Variants in TTC21A observed in about 807,000 individuals in gnomAD.
TTC21A encodes the protein tetratricopeptide repeat domain 21A.
In TTC21A, 128 loss-of-function variants were observed where a neutral mutation model predicts 156.4. The observed-to-expected ratio is 0.82, with a 90% CI of 0.71 to 0.95. TTC21A has a LOEUF of 0.95. Ranked by LOEUF, TTC21A falls within the 40% of genes least tolerant of loss-of-function variation. TTC21A has a pLI of 0.00. For missense variants in TTC21A, 1,435 were observed against 1,602.3 expected (o/e 0.90, Z 1.78); for synonymous variants, 587 against 617.1 (o/e 0.95, Z 0.72).
At chr3:39,128,229 A>G in intron 12 of TTC21A, 102 bp from the exon 13 acceptor site, 2 of 1,332,676 alleles carry the variant, frequency 1.5e-6, no homozygotes, top group Non-Finnish European at 2.1e-6. Flanking sequence ...AATTTTGTAT[A>G]TTTCTGGGGA....
intron 20 of TTC21A, among the ~76,000 whole-genome samples, chr3:39,133,662 G>A (rs2038899312): frequency 6.6e-6 from 1 of 152,216 alleles, no homozygotes; most frequent in South Asian, 2.1e-4. Flanking sequence ...GGGAACCATA[G>A]TTGGAGTTCA....
chr3:39,123,897 A>G (rs993113750), intron 9 of TTC21A, among the ~76,000 whole-genome samples: 1 of 152,216 alleles, frequency 6.6e-6, no homozygotes. Flanking sequence ...CACAGTAGAA[A>G]GGAAAAGGCT....
intron 9 of TTC21A, among the ~76,000 whole-genome samples, chr3:39,122,045 A>G (rs2037812613): frequency 6.6e-6 from 1 of 152,254 alleles, no homozygotes; most frequent in Non-Finnish European, 1.5e-5. Flanking sequence ...GTGATGGCTC[A>G]CGCCTGTAAT....
chr3:39,135,911 C>T (rs111231532), intron 22 of TTC21A, among the ~76,000 whole-genome samples: 7,446 of 151,900 alleles, frequency 0.049, 242 homozygotes, highest in Non-Finnish European at 0.074. Flanking sequence ...AAAAATTGGC[C>T]GGGCGTGGTG....
intron 15 of TTC21A, 109 bp downstream of exon 15, chr3:39,129,419 A>C: frequency 1.2e-6 from 1 of 829,250 alleles, no homozygotes; most frequent in Non-Finnish European, 2.0e-6. Context: ...GTGTCCTTGG[A>C]GTGTAGTTGA....
rs916930391 is a variant in TTC21A at position 39,136,566 on chromosome 3, A to G, written c.3095+59A>G. Reference sequence around the variant, plus strand: ...TGTGCAGGAAGCCCTACTGGCAGATAGGCTAGGCCCTTGCTCTGCACAAAA... The same window carrying G: ...TGTGCAGGAAGCCCTACTGGCAGATGGGCTAGGCCCTTGCTCTGCACAAAA... On this transcript the variant is annotated intron_variant, in intron 23 of 28. Coordinates refer to ENST00000683103, the MANE Select transcript of TTC21A (RefSeq NM_001366900.1). 3.8e-6 allele frequency: 6 copies of G among 1,579,106 alleles called. No homozygotes were observed. In the African/African-American group the frequency reaches 8.1e-5, roughly 21 times the overall value.
In TTC21A at chr3:39,110,848, C is replaced by T. The variant is rs372881613; in HGVS notation, c.269-3C>T. The T allele has an allele frequency of 1.9e-5, 30 of 1,613,588 alleles. No homozygotes were observed. Among genetic ancestry groups the T allele is most frequent in the Non-Finnish European group, 2.5e-5 (29 of 1,179,972 alleles). Reference sequence around the variant, plus strand: ...CCCTCTTCCTTCGCTCTTGGATTTACAGACCGAGAAGCAATTCAGGAGCTT... The same window carrying T: ...CCCTCTTCCTTCGCTCTTGGATTTATAGACCGAGAAGCAATTCAGGAGCTT... On this transcript the variant is annotated splice_region_variant and splice_polypyrimidine_tract_variant and intron_variant, in intron 3 of 28. Transcript: ENST00000683103.
rs2038133964 is a variant in TTC21A at position 39,125,337 on chromosome 3, A to G, written c.1197A>G (p.Leu399=). Reference sequence around the variant, plus strand: ...CTCGGTCCTCTCTTCCACAGGTGCTAATTTTCCTCCAAGCCCTCCTGATGT... The same window carrying G: ...CTCGGTCCTCTCTTCCACAGGTGCTGATTTTCCTCCAAGCCCTCCTGATGT... ...VQKSLGKSEV[L]IFLQALLMSR... The change falls in exon 11 of 29, where the codon CTA becomes CTG. Residue 399 remains leucine, a synonymous_variant. Coordinates refer to ENST00000683103, the MANE Select transcript of TTC21A (RefSeq NM_001366900.1). 1.9e-6 allele frequency: 3 copies of G among 1,613,810 alleles called. No homozygotes were observed. Among genetic ancestry groups the G allele is most frequent in the Middle Eastern group, 1.7e-4 (1 of 5,892 alleles).
Position 39,134,749 on chromosome 3 carries a change from C to G in TTC21A, c.2863-344C>G. ...GCAGAGCAAGGAGGGGTCCTCATCC[C>G]TACCTCTATTGCCTGGCAGTTCTCA... On this transcript the variant is annotated intron_variant, in intron 21 of 28. Transcript: ENST00000683103. This position sits in a 1 kb window ranked among gnomAD's most constrained non-coding sequence, Gnocchi z 4.6. 4.1e-6 allele frequency: 2 copies of G among 487,732 alleles called. No homozygotes were observed. Among genetic ancestry groups the G allele is most frequent in the Non-Finnish European group, 7.5e-6 (2 of 266,630 alleles). The allele number at this position is 487,732 out of a possible 1,614,324, so 30.2% of individuals were successfully genotyped here. A position where few individuals can be genotyped will look rare whatever the true frequency, so the allele number is the denominator to read the frequency against.
At chr3:39,124,169 A>G (rs767374407) in intron 9 of TTC21A, among the ~76,000 whole-genome samples, 5 of 152,234 alleles carry the variant, frequency 3.3e-5, no homozygotes, top group South Asian at 2.1e-4. Flanking sequence ...GTAAATGTTC[A>G]TCATAGCATT....
In TTC21A at chr3:39,107,762, G is replaced by A; in HGVS notation, c.-76G>A. ...CTTCAACCGCCCGCCGCGATAGAGTGCCCACGACCCTGCCTCGGGAATCCC... is the reference window on the plus strand; with the variant it reads ...CTTCAACCGCCCGCCGCGATAGAGTACCCACGACCCTGCCTCGGGAATCCC... On this transcript the variant is annotated 5_prime_UTR_variant, in exon 1 of 29. Transcript: ENST00000683103. The A allele has an allele frequency of 1.9e-6, 3 of 1,596,806 alleles. No individual in the cohort carries two copies. Among genetic ancestry groups the A allele is most frequent in the Non-Finnish European group, 2.6e-6 (3 of 1,168,858 alleles).
chr3:39,136,585 C>A, intron 23 of TTC21A, 78 bp downstream of exon 23: 1 of 1,513,768 alleles, frequency 6.6e-7, no homozygotes, highest in Admixed American at 2.1e-5. Context: ...CCTTGCTCTG[C>A]ACAAAAGGAG....
chr3:39,134,287 A>T lies in TTC21A; in HGVS notation c.2821A>T (p.Ile941Phe). The stretch of plus-strand genomic sequence containing the variant: ...GGACCTGTGTGAGCAGCACTGTGCC[A>T]TCCTCCTGCAGACTGAGCAGAACCA... Reference protein sequence around the residue: ...HLDLCEQHCAILLQTEQNHET... With the variant: ...HLDLCEQHCAFLLQTEQNHET... The change falls in exon 21 of 29, where the codon ATC (isoleucine) becomes TTC (phenylalanine). Residue 941 changes from isoleucine to phenylalanine, a missense_variant. Transcript: ENST00000683103. This position sits in a 1 kb window ranked among gnomAD's most constrained non-coding sequence, Gnocchi z 4.6. 4 of 1,614,070 alleles carry T rather than the reference A, an allele frequency of 2.5e-6. No individual in the cohort carries two copies. In the Admixed American group the frequency reaches 6.7e-5, roughly 27 times the overall value.
chr3:39,131,016 A>G lies in TTC21A; in HGVS notation c.2483A>G (p.Asn828Ser). The G allele has an allele frequency of 6.2e-7, 1 of 1,613,948 alleles. No homozygotes were observed. Among genetic ancestry groups the G allele is most frequent in the East Asian group, 2.2e-5 (1 of 44,888 alleles). ...DIVQDIPSMMNDVKCLLLLAK... is the reference protein window; with the variant it reads ...DIVQDIPSMMSDVKCLLLLAK... ...GTCCAAGACATCCCATCCATGATGAATGATGTTAAGTGCCTGCTTTTGCTG... is the reference window on the plus strand; with the variant it reads ...GTCCAAGACATCCCATCCATGATGAGTGATGTTAAGTGCCTGCTTTTGCTG... The change falls in exon 19 of 29, where the codon AAT becomes AGT. Residue 828 changes from asparagine to serine, a missense_variant. Asn to Ser is a conservative substitution (Grantham distance 46). Transcript: ENST00000683103.
Position 39,130,233 on chromosome 3 carries a change from C to T in TTC21A, c.2209-15C>T. On this transcript the variant is annotated splice_polypyrimidine_tract_variant and intron_variant, in intron 16 of 28. Coordinates refer to ENST00000683103, the MANE Select transcript of TTC21A (RefSeq NM_001366900.1). This position sits in a 1 kb window ranked among gnomAD's most constrained non-coding sequence, Gnocchi z 4.5. ...GGGAGAGAAGAGGAAGACCCAAAGA[C>T]ACTTTCCCCACCAGCCCGAGAAGGC... The T allele has an allele frequency of 6.2e-7, 1 of 1,612,378 alleles. No homozygotes were observed. Among genetic ancestry groups the T allele is most frequent in the South Asian group, 1.1e-5 (1 of 90,802 alleles).
rs374626316 is a variant in TTC21A at position 39,119,933 on chromosome 3, C to T, written c.813C>T (p.His271=). The change falls in exon 8 of 29, where the codon CAC becomes CAT. Residue 271 remains histidine (H), a synonymous_variant. Coordinates refer to ENST00000683103, the MANE Select transcript of TTC21A (RefSeq NM_001366900.1). ...REGNMTTATN[H]VRNLIKALET... is the part of the protein sequence containing the mutation. ...TTTTGTCCCTGCAGGCTACCAATCA[C>T]GTTAGAAATCTGATTAAGGCACTAG... is the stretch of plus-strand genomic sequence containing the variant. 5.0e-5 allele frequency: 81 copies of T among 1,604,608 alleles called. No individual in the cohort carries two copies. The highest frequency in any genetic ancestry group is 1.6e-4 in the Middle Eastern group (1 of 6,064).
intron 6 of TTC21A, among the ~76,000 whole-genome samples, chr3:39,116,492 G>A (rs948635124): frequency 6.8e-6 from 1 of 146,150 alleles, no homozygotes; most frequent in Admixed American, 6.8e-5. Context: ...CCCTTTTTTT[G>A]GGGGGGAATG....
chr3:39,134,891 A>C lies in TTC21A; in HGVS notation c.2863-202A>C. On this transcript the variant is annotated intron_variant, in intron 21 of 28. Coordinates refer to ENST00000683103, the MANE Select transcript of TTC21A (RefSeq NM_001366900.1). The surrounding 1 kb of genome is among the most constrained non-coding windows in gnomAD (Gnocchi z 4.6). ...ACTCTTCTTGCCCCTCACCTTGGGA[A>C]GTCCTCACCTTCTGGGTGGGGGCCT... 1.7e-6 allele frequency: 1 copy of C among 601,884 alleles called. No individual in the cohort carries two copies. The highest frequency in any genetic ancestry group is 3.0e-6 in the Non-Finnish European group (1 of 336,844). 37.3% of individuals were successfully genotyped at this position (601,884 alleles called of 1,614,324 possible).
chr3:39,126,560 T>C lies in TTC21A; in HGVS notation c.1522+170T>C, dbSNP rs10433546. 6.7e-3 allele frequency among the ~76,000 whole-genome samples: 731 copies of C among 109,188 alleles called. 5 individuals are homozygous for C. The highest frequency in any genetic ancestry group is 0.019 in the African/African-American group (548 of 29,056). The allele number at this position is 109,188 out of a possible 152,430, so 71.6% of individuals were successfully genotyped here. On this transcript the variant is annotated intron_variant, in intron 12 of 28. Transcript: ENST00000683103. ...GGTACTACGCACACACACACACACA[T>C]GCATGCTCCTTGCCTGGGGTACTAC...
Sources: gnomAD v4.1 joint callset for allele counts (sites outside exome capture counted in the v4.1 genomes callset) on GRCh38, gnomAD v4.1.1 for gene constraint, Gnocchi (gnomAD v3.1) non-coding constraint, MANE v1.5 for transcripts, NCBI Gene and HGNC (gene_info 2026-07-23, HGNC 2026-07-21) for gene names.